Variants in ABTB3 observed in about 807,000 individuals in gnomAD.
ABTB3 encodes the protein ankyrin repeat- and BTB/POZ domain-containing protein 3.
the ABTB3 span, chr12:107,642,117 G>A: frequency 3.0e-4 from 485 of 1,613,824 alleles, no homozygotes; most frequent in Non-Finnish European, 3.9e-4. Flanking sequence ...CCAGCAAGCC[G>A]ACAAATGATG....
At chr12:107,554,359 T>TA in the ABTB3 span, among the ~76,000 whole-genome samples, 1 of 151,314 alleles carries the variant, frequency 6.6e-6, no homozygotes. Context: ...TTTTTTTTTT[T>TA]ATTCTAGAGC....
At chr12:107,408,736 C>T in the ABTB3 span, among the ~76,000 whole-genome samples, 2 of 152,216 alleles carry the variant, frequency 1.3e-5, no homozygotes, top group Admixed American at 6.5e-5. Context: ...GGGGAAAGAG[C>T]GTGAGGCTCA....
the ABTB3 span, among the ~76,000 whole-genome samples, chr12:107,391,551 A>T: frequency 1.3e-5 from 2 of 152,260 alleles, no homozygotes; most frequent in African/African-American, 4.8e-5. Flanking sequence ...TGAATTCTAC[A>T]GGTGGAGACC....
the ABTB3 span, chr12:107,642,302 G>C: frequency 1.5e-5 from 11 of 755,544 alleles, no homozygotes; most frequent in South Asian, 1.8e-4. Context: ...CTGAACTCCC[G>C]GCCCCTCCTC....
the ABTB3 span, among the ~76,000 whole-genome samples, chr12:107,630,185 T>C: frequency 6.6e-6 from 1 of 152,232 alleles, no homozygotes; most frequent in Non-Finnish European, 1.5e-5. Flanking sequence ...GCAGCATCTT[T>C]GGTGCCACCA....
chr12:107,624,534 A>G, the ABTB3 span, among the ~76,000 whole-genome samples: 1 of 152,182 alleles, frequency 6.6e-6, no homozygotes, highest in African/African-American at 2.4e-5. Context: ...CCTAGCCACC[A>G]TTTCTCTAAT....
chr12:107,608,735 G>A, the ABTB3 span, among the ~76,000 whole-genome samples: 1 of 151,802 alleles, frequency 6.6e-6, no homozygotes, highest in East Asian at 1.9e-4. Context: ...GCTGGGTGTG[G>A]TGGTGCATCC....
At chr12:107,618,488 G>GCACACA in the ABTB3 span, 3 of 914,430 alleles carry the variant, frequency 3.3e-6, no homozygotes, top group South Asian at 5.1e-5. Context: ...ACACGCACAT[G>GCACACA]CACACACACG....
the ABTB3 span, among the ~76,000 whole-genome samples, chr12:107,349,823 T>C: frequency 6.6e-6 from 1 of 152,216 alleles, no homozygotes; most frequent in Non-Finnish European, 1.5e-5. Flanking sequence ...AAAAATGCCT[T>C]TCTTGGAGGA....
chr12:107,433,579 TCTC>T, the ABTB3 span, among the ~76,000 whole-genome samples: 2 of 152,070 alleles, frequency 1.3e-5, no homozygotes, highest in African/African-American at 4.8e-5. Context: ...TCAGGTATGT[TCTC>T]CTCTCTGCAT....
the ABTB3 span, among the ~76,000 whole-genome samples, chr12:107,472,552 G>A: frequency 3.3e-5 from 5 of 152,306 alleles, no homozygotes; most frequent in East Asian, 9.6e-4. Flanking sequence ...TCTGTAAAAT[G>A]GAGCCAGGAA....
At chr12:107,359,987 C>T in the ABTB3 span, among the ~76,000 whole-genome samples, 2 of 152,302 alleles carry the variant, frequency 1.3e-5, no homozygotes, top group Non-Finnish European at 2.9e-5. Flanking sequence ...TGTCATCATT[C>T]CTTTCTTTTC....
chr12:107,356,477 A>G, the ABTB3 span, among the ~76,000 whole-genome samples: 4 of 152,148 alleles, frequency 2.6e-5, no homozygotes, highest in Non-Finnish European at 4.4e-5. Context: ...TGTGACCACT[A>G]TGGAGAGGTT....
the ABTB3 span, among the ~76,000 whole-genome samples, chr12:107,494,779 A>G: frequency 1.3e-5 from 2 of 151,720 alleles, no homozygotes; most frequent in Admixed American, 6.6e-5. Flanking sequence ...TCCCCTTCCT[A>G]CTGAGGGCTC....
the ABTB3 span, among the ~76,000 whole-genome samples, chr12:107,606,971 C>T: frequency 6.6e-6 from 1 of 152,212 alleles, no homozygotes; most frequent in South Asian, 2.1e-4. Context: ...CCTGAATCTC[C>T]TTCCTTACCC....
the ABTB3 span, among the ~76,000 whole-genome samples, chr12:107,424,458 C>T: frequency 6.6e-6 from 1 of 152,170 alleles, no homozygotes; most frequent in Non-Finnish European, 1.5e-5. Flanking sequence ...GAGGAAGATG[C>T]AGTGAAAGAA....
the ABTB3 span, among the ~76,000 whole-genome samples, chr12:107,321,237 C>T: frequency 2.0e-5 from 3 of 152,140 alleles, no homozygotes; most frequent in Non-Finnish European, 4.4e-5. Flanking sequence ...GTCTGTTTCC[C>T]GGGGGCTGGA....
the ABTB3 span, among the ~76,000 whole-genome samples, chr12:107,463,334 T>C: frequency 6.6e-6 from 1 of 151,378 alleles, no homozygotes; most frequent in Non-Finnish European, 1.5e-5. Context: ...GTGATGGTGG[T>C]TGATGATGAT....
chr12:107,445,868 C>CTCCCCTCTCCCCTT, the ABTB3 span, among the ~76,000 whole-genome samples: 42 of 79,528 alleles, frequency 5.3e-4, no homozygotes, highest in African/African-American at 2.5e-3. Flanking sequence ...AAATCTCCCT[C>CTCCCCTCTCCCCTT]TCCCCTCTCC....
Sources: allele counts gnomAD v4.1 joint callset (sites outside exome capture counted in the v4.1 genomes callset), GRCh38; gene constraint gnomAD v4.1.1; transcripts MANE v1.5; gene names NCBI Gene and HGNC (gene_info 2026-07-23, HGNC 2026-07-21).